DNAH5: variants seen among roughly 807,000 people sequenced by gnomAD.
DNAH5 encodes the protein axonemal beta dynein heavy chain 5.
Under a neutral mutation model 518.2 loss-of-function variants are expected in DNAH5, and 372 were observed. The ratio of observed to expected loss-of-function variants is 0.72; its 90% CI spans 0.66 to 0.78. The LOEUF (loss-of-function observed/expected upper bound fraction) is 0.78. DNAH5 is among the 30% of genes least tolerant of loss of function. The pLI is 0.00. For synonymous variants in DNAH5, 2,039 were observed against 2,025.9 expected (o/e 1.01, Z -0.17); for missense variants, 5,523 against 5,687.0 (o/e 0.97, Z 0.93).
intron 7 of DNAH5, among the ~76,000 whole-genome samples, chr5:13,918,628 G>A (rs1776913591): frequency 6.6e-6 from 1 of 152,078 alleles, no homozygotes; most frequent in African/African-American, 2.4e-5. Context: ...ACGACACTAT[G>A]CCCAGCTAAT....
At chr5:13,962,884 G>A (rs923456903) in intron 1 of DNAH5, among the ~76,000 whole-genome samples, 9 of 152,178 alleles carry the variant, frequency 5.9e-5, no homozygotes, top group African/African-American at 2.2e-4. Context: ...AGACACACAA[G>A]CAAAGACAAA....
intron 68 of DNAH5, among the ~76,000 whole-genome samples, chr5:13,732,523 C>T (rs979137211): frequency 4.6e-5 from 7 of 152,126 alleles, no homozygotes; most frequent in African/African-American, 7.2e-5. Flanking sequence ...TGAGCCACCA[C>T]TCCTGGCTAA....
At position 13,829,796 on chromosome 5, in the gene DNAH5, T is replaced by C. The variant is rs886994997; in HGVS notation, c.6250-92A>G. 3 of 1,332,288 alleles carry C rather than the reference T, an allele frequency of 2.3e-6. No individual in the cohort carries two copies. In the Admixed American group the frequency reaches 5.5e-5, roughly 24 times the overall value. The allele number at this position is 1,332,288 out of a possible 1,614,324, so 82.5% of individuals were successfully genotyped here. A position where few individuals can be genotyped will look rare whatever the true frequency, so the allele number is the denominator to read the frequency against. ...ATTCATTATGTACACACAACAAATC[T>C]GGAATGACAACCAGGGAACTCATTT... is the stretch of plus-strand genomic sequence containing the variant. On this transcript the variant is annotated intron_variant, in intron 37 of 78. Transcript: ENST00000265104.
In DNAH5 at chr5:13,777,057, T is replaced by C. The variant is rs1179155070; in HGVS notation, c.9105+145A>G. The C allele has an allele frequency of 1.9e-5, 15 of 796,184 alleles. No individual in the cohort carries two copies. The Admixed American group carries it at 2.5e-4, about 13-fold the overall frequency. The allele number at this position is 796,184 out of a possible 1,614,324, so 49.3% of individuals were successfully genotyped here. ...AGAGTTTTATTCTTCAAAAACCCAA[T>C]AGAAAAACCCATCCTTCATACTGAT... On this transcript the variant is annotated intron_variant, in intron 54 of 78. Coordinates refer to ENST00000265104, the MANE Select transcript of DNAH5 (RefSeq NM_001369.3).
At chr5:13,854,005 T>C (rs1191425238) in intron 30 of DNAH5, among the ~76,000 whole-genome samples, 3 of 152,032 alleles carry the variant, frequency 2.0e-5, no homozygotes, top group African/African-American at 7.2e-5. Context: ...AACATTCAAA[T>C]TCAGGAAATA....
At chr5:13,849,101 G>A (rs1766462111) in intron 31 of DNAH5, among the ~76,000 whole-genome samples, 2 of 152,278 alleles carry the variant, frequency 1.3e-5, no homozygotes, top group African/African-American at 2.4e-5. Context: ...TGTGCACAAC[G>A]TGCAGGTTAG....
At position 13,867,720 on chromosome 5, in the gene DNAH5, C is replaced by G. The variant is rs1309908585; in HGVS notation, c.4053+54G>C. ...ATAATTTTTAGACAACTACATTTTG[C>G]ATGTTGTATTCACTCATCCCCGAAA... is the stretch of plus-strand genomic sequence containing the variant. On this transcript the variant is annotated intron_variant, in intron 25 of 78. Coordinates refer to ENST00000265104, the MANE Select transcript of DNAH5 (RefSeq NM_001369.3). 3 of 1,320,810 alleles carry G rather than the reference C, an allele frequency of 2.3e-6. No homozygotes were observed. In the East Asian group the frequency reaches 6.9e-5, roughly 30 times the overall value. The allele number at this position is 1,320,810 out of a possible 1,614,324, so 81.8% of individuals were successfully genotyped here. A position where few individuals can be genotyped will look rare whatever the true frequency, so the allele number is the denominator to read the frequency against.
intron 16 of DNAH5, among the ~76,000 whole-genome samples, chr5:13,892,249 A>G (rs1420065395): frequency 6.6e-6 from 1 of 152,182 alleles, no homozygotes; most frequent in Non-Finnish European, 1.5e-5. Context: ...TTTCTAACGG[A>G]CTGCTTCTTC....
At chr5:13,740,099 C>T (rs1748221330) in intron 65 of DNAH5, among the ~76,000 whole-genome samples, 1 of 152,096 alleles carries the variant, frequency 6.6e-6, no homozygotes, top group African/African-American at 2.4e-5. Context: ...CCTTTGAACC[C>T]TGCTTGGTCA....
chr5:13,920,513 A>G lies in DNAH5; in HGVS notation c.765T>C (p.Asp255=), dbSNP rs767772613. 3 of 1,614,108 alleles carry G rather than the reference A, an allele frequency of 1.9e-6. No individual in the cohort carries two copies. The highest frequency in any genetic ancestry group is 2.5e-6 in the Non-Finnish European group (3 of 1,180,006). ...TCTGTTTGATCCATACTTTCATGCA[A>G]TCCTCTATTTTTCCCAAAGTCTCAG... is the stretch of plus-strand genomic sequence containing the variant. ...NNPETLGKIE[D]CMKVWIKQTE... is the part of the protein sequence containing the mutation. The change falls in exon 6 of 79, where the codon GAT becomes GAC. Residue 255 remains aspartate, a synonymous_variant. Coordinates refer to ENST00000265104, the MANE Select transcript of DNAH5 (RefSeq NM_001369.3).
At chr5:13,847,009 G>A (rs536160980) in intron 31 of DNAH5, among the ~76,000 whole-genome samples, 3 of 152,282 alleles carry the variant, frequency 2.0e-5, no homozygotes, top group African/African-American at 7.2e-5. Flanking sequence ...TGATTCTGGT[G>A]AGGAATTGGG....
rs1215954084 is a variant in DNAH5 at position 13,855,490 on chromosome 5, G to C, written c.4950+3962C>G. On this transcript the variant is annotated intron_variant, in intron 30 of 78. Coordinates refer to ENST00000265104, the MANE Select transcript of DNAH5 (RefSeq NM_001369.3). ...CCCAAAGTGCTGGGATTACAGGCGT[G>C]AGCCACCGCGCCCGGCCATAAATCT... Among the ~76,000 whole-genome samples, 9 of 48,228 alleles carry C rather than the reference G, an allele frequency of 1.9e-4. 2 individuals are homozygous for C. Among genetic ancestry groups the C allele is most frequent in the Non-Finnish European group, 4.7e-4 (9 of 18,974 alleles). The allele number at this position is 48,228 out of a possible 152,430, so 31.6% of individuals were successfully genotyped here. A position where few individuals can be genotyped will look rare whatever the true frequency, so the allele number is the denominator to read the frequency against.
In DNAH5 at chr5:13,768,975, T is replaced by G. The variant is rs1310264829; in HGVS notation, c.9882A>C (p.Ala3294=). ...ATAGATGCACCTGCAATGCAGCTTCTGCCTCTTCTAAAGCTGGTTTTGCTG... is the reference window on the plus strand; with the variant it reads ...ATAGATGCACCTGCAATGCAGCTTCGGCCTCTTCTAAAGCTGGTTTTGCTG... ...LEAAKPALEE[A]EAALQTIRPS... is the part of the protein sequence containing the mutation. Residue 3294 remains alanine (A), a synonymous_variant, in exon 58 of 79, where the codon GCA becomes GCC. Coordinates refer to ENST00000265104, the MANE Select transcript of DNAH5 (RefSeq NM_001369.3). 5 of 1,614,214 alleles carry G rather than the reference T, an allele frequency of 3.1e-6. No homozygotes were observed. Among genetic ancestry groups the G allele is most frequent in the Middle Eastern group, 1.6e-4 (1 of 6,062 alleles).
intron 30 of DNAH5, among the ~76,000 whole-genome samples, chr5:13,853,716 C>T (rs1475193423): frequency 4.0e-5 from 6 of 151,722 alleles, no homozygotes; most frequent in Non-Finnish European, 5.9e-5. Context: ...ACAAGAATTT[C>T]GTGAAGCATA....
At chr5:13,846,378 T>G (rs535696787) in intron 31 of DNAH5, among the ~76,000 whole-genome samples, 1 of 152,328 alleles carries the variant, frequency 6.6e-6, no homozygotes. Flanking sequence ...GAAACATTTC[T>G]GTTTCATAAC....
Position 13,872,404 on chromosome 5 carries a change from G to A in DNAH5, c.3397-639C>T, listed in dbSNP as rs112239832. ...ACATCTAACCAACCAGGAACATAGTGCATGTTTCCATATCTTGTCATCTTT... is the reference window on the plus strand; with the variant it reads ...ACATCTAACCAACCAGGAACATAGTACATGTTTCCATATCTTGTCATCTTT... On this transcript the variant is annotated intron_variant, in intron 22 of 78. Transcript: ENST00000265104. 8.9e-3 allele frequency among the ~76,000 whole-genome samples: 1,357 copies of A among 152,232 alleles called. 18 individuals are homozygous for A. The highest frequency in any genetic ancestry group is 0.03 in the African/African-American group (1,251 of 41,548).
Position 13,794,021 on chromosome 5 carries a change from G to C in DNAH5, c.7925C>G (p.Thr2642Arg). The change falls in exon 48 of 79, where the codon ACA becomes AGA. Residue 2642 changes from threonine (T) to arginine (R), a missense_variant. Around this residue, in one of 3 missense-constraint regions of DNAH5, gnomAD observed 5,121 missense variants for 5,223.3 expected, o/e 0.98. Transcript: ENST00000265104. ...IESYVDKRMG[T>R]TYGPPAGKKM... ...CTTTCCCGCAGGAGGGCCATATGTT[G>C]TACCCATTCGTTTATCCACATAGCT... 6.2e-7 allele frequency: 1 copy of C among 1,613,856 alleles called. No individual in the cohort carries two copies. The highest frequency in any genetic ancestry group is 8.5e-7 in the Non-Finnish European group (1 of 1,179,948).
chr5:13,890,830 G>T, intron 17 of DNAH5, 146 bp downstream of exon 17: 2 of 886,676 alleles, frequency 2.3e-6, no homozygotes, highest in Non-Finnish European at 3.5e-6. Context: ...GCAAATTATT[G>T]TCAGAAGATT....
rs1554018603 is a variant in DNAH5 at position 13,713,124 on chromosome 5, T to TATAC, written c.13125+1280_13125+1281insGTAT. On this transcript the variant is annotated intron_variant, in intron 75 of 78. Coordinates refer to ENST00000265104, the MANE Select transcript of DNAH5 (RefSeq NM_001369.3). ...GTGTGTGTGTATATATATATATATATACACACACACTGACATATATATACC... is the reference window on the plus strand; with the variant it reads ...GTGTGTGTGTATATATATATATATATATACACACACACACTGACATATATATACC... Among the ~76,000 whole-genome samples, 186 of 146,616 alleles carry TATAC rather than the reference T, an allele frequency of 1.3e-3. 4 individuals carry two copies. In the South Asian group the frequency reaches 0.016, roughly 13 times the overall value.
Sources: gnomAD v4.1 joint callset for allele counts (sites outside exome capture counted in the v4.1 genomes callset) on GRCh38, gnomAD v4.1.1 for gene constraint, gnomAD v4.1.1 regional missense constraint, MANE v1.5 for transcripts, NCBI Gene and HGNC (gene_info 2026-07-23, HGNC 2026-07-21) for gene names.